DLGAP2: variants seen among roughly 807,000 people sequenced by gnomAD.
DLGAP2 encodes the protein DLG associated protein 2.
In DLGAP2, 26 loss-of-function variants were observed where a neutral mutation model predicts 100.3. The observed-to-expected ratio is 0.26, with a 90% CI of 0.19 to 0.36. DLGAP2 has a LOEUF of 0.36. Ranked by LOEUF, DLGAP2 falls within the 10% of genes least tolerant of loss-of-function variation. The probability of loss-of-function intolerance (pLI) is 1.00; values close to 1 mark genes in which losing one functional copy is unlikely to be tolerated. For missense variants in DLGAP2, 1,858 were observed against 1,453.2 expected (o/e 1.28, Z -4.53); for synonymous variants, 886 against 630.1 (o/e 1.41, Z -6.08).
intron 3 of DLGAP2, among the ~76,000 whole-genome samples, chr8:1,476,915 G>C (rs1240627002): frequency 1.3e-5 from 2 of 152,024 alleles, no homozygotes; most frequent in African/African-American, 4.8e-5. Flanking sequence ...CACCCGTGAT[G>C]GCTGAGTGCT....
chr8:1,600,211 C>T (rs186085574), intron 6 of DLGAP2, among the ~76,000 whole-genome samples: 2 of 152,176 alleles, frequency 1.3e-5, no homozygotes, highest in East Asian at 3.9e-4. Context: ...CCACCCTCTT[C>T]TAGCTTTTAG....
intron 12 of DLGAP2, among the ~76,000 whole-genome samples, chr8:1,690,968 G>A (rs1799245330): frequency 6.6e-6 from 1 of 152,110 alleles, no homozygotes; most frequent in Non-Finnish European, 1.5e-5. Context: ...CGACCTTCCT[G>A]TGAGGCCTCT....
chr8:1,360,656 C>T (rs1317165016), intron 3 of DLGAP2, among the ~76,000 whole-genome samples: 1 of 152,228 alleles, frequency 6.6e-6, no homozygotes, highest in Non-Finnish European at 1.5e-5. Context: ...ATCCTGAAGG[C>T]AACTGCAGCT....
At chr8:844,696 A>C (rs1285939076) in intron 1 of DLGAP2, among the ~76,000 whole-genome samples, 1 of 152,248 alleles carries the variant, frequency 6.6e-6, no homozygotes, top group East Asian at 1.9e-4. Context: ...GAAACTGTAC[A>C]GTAAATGTTA....
chr8:773,077 G>A (rs1174027848), intron 1 of DLGAP2, among the ~76,000 whole-genome samples: 1 of 152,176 alleles, frequency 6.6e-6, no homozygotes, highest in African/African-American at 2.4e-5. Flanking sequence ...TGAGCTGCTT[G>A]GCTGCTGTAA....
At chr8:1,590,514 C>T (rs535901534) in intron 6 of DLGAP2, among the ~76,000 whole-genome samples, 30 of 152,324 alleles carry the variant, frequency 2.0e-4, no homozygotes, top group African/African-American at 7.2e-4. Context: ...GCACGGATTA[C>T]TCAGCTGAAA....
chr8:1,408,463 C>A (rs532849443), intron 3 of DLGAP2, among the ~76,000 whole-genome samples: 1 of 152,198 alleles, frequency 6.6e-6, no homozygotes, highest in Non-Finnish European at 1.5e-5. Flanking sequence ...GGCACCGTGT[C>A]AAGTCCTGAA....
chr8:1,151,077 A>C (rs189087656), intron 2 of DLGAP2, among the ~76,000 whole-genome samples: 3 of 152,252 alleles, frequency 2.0e-5, no homozygotes, highest in Admixed American at 2.0e-4. Flanking sequence ...CGATGTTAAC[A>C]TTTTGATATT....
chr8:1,041,210 A>G (rs535895836), intron 2 of DLGAP2, among the ~76,000 whole-genome samples: 35 of 152,326 alleles, frequency 2.3e-4, no homozygotes, highest in African/African-American at 8.4e-4. Flanking sequence ...CCCATGTTGT[A>G]TCTGCCACAG....
chr8:963,193 G>T (rs1314507215), intron 2 of DLGAP2, among the ~76,000 whole-genome samples: 1 of 152,230 alleles, frequency 6.6e-6, no homozygotes, highest in Admixed American at 6.5e-5. Context: ...GGTCTCATAG[G>T]ACCTTGCCTG....
chr8:1,321,210 C>G (rs1800892333), intron 3 of DLGAP2, among the ~76,000 whole-genome samples: 1 of 150,264 alleles, frequency 6.7e-6, no homozygotes, highest in Admixed American at 6.6e-5. Flanking sequence ...CATCCATGTG[C>G]CTCTGCATGT....
chr8:1,172,280 TGG>T (rs1563229446), intron 2 of DLGAP2, among the ~76,000 whole-genome samples: 7 of 152,332 alleles, frequency 4.6e-5, no homozygotes, highest in Admixed American at 1.3e-4. Flanking sequence ...CTTCCCTTTG[TGG>T]GTAACCCGAC....
chr8:1,429,900 A>C (rs1278404370), intron 3 of DLGAP2, among the ~76,000 whole-genome samples: 1 of 149,302 alleles, frequency 6.7e-6, no homozygotes, highest in Non-Finnish European at 1.5e-5. Flanking sequence ...GATGCTCAGA[A>C]CCCATTTTAC....
intron 2 of DLGAP2, among the ~76,000 whole-genome samples, chr8:1,222,960 C>T (rs1019047930): frequency 2.6e-5 from 4 of 152,142 alleles, no homozygotes; most frequent in African/African-American, 7.2e-5. Context: ...GTGTGGCAAG[C>T]CTTGGGGGAC....
intron 12 of DLGAP2, among the ~76,000 whole-genome samples, chr8:1,682,438 C>T (rs1251317974): frequency 6.6e-6 from 1 of 151,908 alleles, no homozygotes; most frequent in African/African-American, 2.4e-5. Flanking sequence ...GTATAGGGAC[C>T]CAAATCAACA....
chr8:1,598,960 G>C (rs532232681), intron 6 of DLGAP2, among the ~76,000 whole-genome samples: 1 of 152,188 alleles, frequency 6.6e-6, no homozygotes, highest in Admixed American at 6.5e-5. Context: ...TGTGATTTTA[G>C]GGTGTTGATT....
At chr8:1,199,825 G>A (rs965094805) in intron 2 of DLGAP2, among the ~76,000 whole-genome samples, 1 of 151,746 alleles carries the variant, frequency 6.6e-6, no homozygotes, top group Non-Finnish European at 1.5e-5. Flanking sequence ...AGTGAAGAGG[G>A]AAAAAAAATA....
At chr8:950,559 C>T (rs547914922) in intron 2 of DLGAP2, among the ~76,000 whole-genome samples, 2 of 151,884 alleles carry the variant, frequency 1.3e-5, no homozygotes, top group African/African-American at 4.8e-5. Context: ...ACCTGTTCAT[C>T]TGACCATTAC....
chr8:1,298,119 G>A (rs966038958), intron 3 of DLGAP2, among the ~76,000 whole-genome samples: 1 of 146,580 alleles, frequency 6.8e-6, no homozygotes. Context: ...AACGTGGCAG[G>A]CGTCAACAGA....
Sources: gnomAD v4.1 joint callset for allele counts (sites outside exome capture counted in the v4.1 genomes callset) on GRCh38, gnomAD v4.1.1 for gene constraint, MANE v1.5 for transcripts, NCBI Gene and HGNC (gene_info 2026-07-23, HGNC 2026-07-21) for gene names.